The following SLC26A4 variants were observed in gnomAD, a reference collection of about 807,000 sequenced individuals.
SLC26A4 encodes solute carrier family 26 member 4, also known as pendrin.
Under a neutral mutation model 90.4 loss-of-function variants are expected in SLC26A4, and 93 were observed. The ratio of observed to expected loss-of-function variants is 1.03; its 90% CI spans 0.87 to 1.22. The LOEUF (loss-of-function observed/expected upper bound fraction) is 1.22. Ranked by LOEUF, SLC26A4 falls within the 50% of genes most tolerant of loss-of-function variation. The pLI is 0.00. For synonymous variants in SLC26A4, 393 were observed against 354.6 expected, an observed-to-expected ratio of 1.11 and a Z score of -1.22; for missense variants, 1,127 against 946.2, an observed-to-expected ratio of 1.19 and a Z score of -2.51.
intron 6 of SLC26A4, among the ~76,000 whole-genome samples, chr7:107,677,548 A>G (rs1791059376): frequency 6.6e-6 from 1 of 152,006 alleles, no homozygotes; most frequent in African/African-American, 2.4e-5. Context: ...ATTCAGCATT[A>G]TATGGGTCAT....
At chr7:107,701,677 G>T (rs1791889208) in intron 16 of SLC26A4, 150 bp from the exon 17 acceptor site, 1 of 658,234 alleles carries the variant, frequency 1.5e-6, no homozygotes, top group Admixed American at 2.3e-5. Context: ...ATCAAAGTTT[G>T]GGCTGAGGTG....
chr7:107,675,823 C>T (rs898934572), intron 6 of SLC26A4, among the ~76,000 whole-genome samples: 7 of 151,810 alleles, frequency 4.6e-5, no homozygotes, highest in South Asian at 2.1e-4. Context: ...CCACCCACAT[C>T]GGCCTCCCAA....
Position 107,672,269 on chromosome 7 carries a change from C to CA in SLC26A4, c.415+23dup, listed in dbSNP as rs1211065752. On this transcript the variant is annotated intron_variant, in intron 4 of 20. Coordinates refer to ENST00000644269, the MANE Select transcript of SLC26A4 (RefSeq NM_000441.2). ...AGTTGGTAATTATAAGTATATTTTA[C>CA]AATTATATTTGCTCATGTTTAAAGT... The CA allele has an allele frequency of 2.8e-6, 4 of 1,445,202 alleles. No individual in the cohort carries two copies. In the Admixed American group the frequency reaches 6.7e-5, roughly 24 times the overall value. 89.5% of individuals were successfully genotyped at this position (1,445,202 alleles called of 1,614,324 possible).
chr7:107,709,737 G>T (rs1479844991), intron 18 of SLC26A4, among the ~76,000 whole-genome samples: 1 of 152,184 alleles, frequency 6.6e-6, no homozygotes, highest in Non-Finnish European at 1.5e-5. Flanking sequence ...TACTGGAAAA[G>T]AAACTGTCAT....
intron 4 of SLC26A4, among the ~76,000 whole-genome samples, chr7:107,673,721 G>C (rs939075442): frequency 2.0e-5 from 3 of 151,968 alleles, no homozygotes; most frequent in Non-Finnish European, 4.4e-5. Context: ...AGATATCTGC[G>C]TTTTTAGCTT....
rs111033212 is a variant in SLC26A4 at position 107,689,054 on chromosome 7, T to A, written c.1003T>A (p.Phe335Ile). 1.9e-6 allele frequency: 3 copies of A among 1,613,746 alleles called. No individual in the cohort carries two copies. The highest frequency in any genetic ancestry group is 2.5e-6 in the Non-Finnish European group (3 of 1,179,746). Residue 335 changes from phenylalanine (F) to isoleucine (I), a missense_variant and splice_region_variant, in exon 9 of 21, where the codon TTT becomes ATT. Physicochemically the swap from Phe to Ile is conservative, Grantham distance 21. Coordinates refer to ENST00000644269, the MANE Select transcript of SLC26A4 (RefSeq NM_000441.2). ...AGIVKSIPRG[F>I]LPPELPPVSL... ...ATTTTTCACTTAAAAACTCACTAGG[T>A]TTTTGCCTCCTGAACTTCCACCTGT...
chr7:107,698,860 G>T lies in SLC26A4; in HGVS notation c.1614+749G>T, dbSNP rs754416483. ...TATGACACAGGAAATGAAAAACAAA[G>T]AAATTAAACATCCCATTGATGGACT... On this transcript the variant is annotated intron_variant, in intron 14 of 20. Transcript: ENST00000644269. Among the ~76,000 whole-genome samples, 136 of 152,030 alleles carry T rather than the reference G, an allele frequency of 8.9e-4. 1 individual carries two copies. Among genetic ancestry groups the T allele is most frequent in the Non-Finnish European group, 1.8e-4 (12 of 67,988 alleles).
rs537185856 is a variant in SLC26A4 at position 107,680,264 on chromosome 7, T to A, written c.766-2938T>A. ...ATAATATAATCTTATTATATAATCT[T>A]ATCTTATTATATAATATAATCTTAT... is the stretch of plus-strand genomic sequence containing the variant. On this transcript the variant is annotated intron_variant, in intron 6 of 20. Coordinates refer to ENST00000644269, the MANE Select transcript of SLC26A4 (RefSeq NM_000441.2). Among the ~76,000 whole-genome samples, 837 of 119,166 alleles carry A rather than the reference T, an allele frequency of 7.0e-3. 64 individuals carry two copies. The highest frequency in any genetic ancestry group is 0.067 in the Admixed American group (734 of 10,948). The allele number at this position is 119,166 out of a possible 152,430, so 78.2% of individuals were successfully genotyped here. A position where few individuals can be genotyped will look rare whatever the true frequency, so the allele number is the denominator to read the frequency against.
intron 15 of SLC26A4, 55 bp downstream of exon 15, chr7:107,700,230 A>G: frequency 1.1e-6 from 1 of 879,360 alleles, no homozygotes; most frequent in Non-Finnish European, 1.9e-6. Flanking sequence ...GACTTCATTC[A>G]TTCTACAAGT....
rs1183363837 is a variant in SLC26A4 at position 107,716,203 on chromosome 7, G to A, written c.*757G>A. 6.6e-6 allele frequency: 1 copy of A among 152,070 alleles called. No homozygotes were observed. Among genetic ancestry groups the A allele is most frequent in the African/African-American group, 2.4e-5 (1 of 41,400 alleles). 9.4% of individuals were successfully genotyped at this position (152,070 alleles called of 1,614,324 possible). On this transcript the variant is annotated 3_prime_UTR_variant, in exon 21 of 21. Transcript: ENST00000644269. ...AAAAAAATATATGACAGATTATTTT[G>A]TTTAAAAATGCAGTTTTAATTATCT...
intron 18 of SLC26A4, among the ~76,000 whole-genome samples, 155 bp from the exon 19 acceptor site, chr7:107,709,899 G>A (rs1465028613): frequency 1.3e-5 from 2 of 152,154 alleles, no homozygotes; most frequent in African/African-American, 4.8e-5. Context: ...GGGAGGGTGA[G>A]GTGGGGGGAT....
At chr7:107,693,373 A>G in intron 10 of SLC26A4, 1 of 985,356 alleles carries the variant, frequency 1.0e-6, no homozygotes, top group Non-Finnish European at 1.2e-6. Context: ...AATATAAATG[A>G]TCAATTTGCC....
intron 4 of SLC26A4, among the ~76,000 whole-genome samples, chr7:107,673,261 T>C (rs1047635848): frequency 1.3e-5 from 2 of 152,004 alleles, no homozygotes; most frequent in South Asian, 4.2e-4. Context: ...AAAATAACAG[T>C]AGTGAACGGA....
chr7:107,713,036 G>C (rs957156650), intron 20 of SLC26A4, among the ~76,000 whole-genome samples: 1 of 152,094 alleles, frequency 6.6e-6, no homozygotes, highest in Non-Finnish European at 1.5e-5. Context: ...ACTGATAAAG[G>C]CTTTAAAAAC....
chr7:107,701,544 T>C (rs989028630), intron 16 of SLC26A4, among the ~76,000 whole-genome samples: 1 of 152,238 alleles, frequency 6.6e-6, no homozygotes. Flanking sequence ...CCATAAACTT[T>C]TGGAGCTGTT....
At chr7:107,672,603 A>G (rs1790904071) in intron 4 of SLC26A4, among the ~76,000 whole-genome samples, 1 of 152,108 alleles carries the variant, frequency 6.6e-6, no homozygotes, top group African/African-American at 2.4e-5. Context: ...AGTCATAATG[A>G]CAGGGAAAAA....
At chr7:107,669,166 C>T (rs527678310) in intron 3 of SLC26A4, among the ~76,000 whole-genome samples, 3 of 152,202 alleles carry the variant, frequency 2.0e-5, no homozygotes, top group Admixed American at 6.5e-5. Context: ...CCATGTTGGC[C>T]GGGCTGGTCT....
At chr7:107,704,497 G>C (rs1486132567) in intron 18 of SLC26A4, 112 bp downstream of exon 18, 1 of 615,366 alleles carries the variant, frequency 1.6e-6, no homozygotes, top group East Asian at 2.8e-5. Context: ...TTCTTTTAAA[G>C]ATCTCAATTG....
intron 3 of SLC26A4, among the ~76,000 whole-genome samples, chr7:107,663,685 T>A (rs535870232): frequency 6.6e-5 from 10 of 152,268 alleles, no homozygotes; most frequent in South Asian, 2.1e-4. Context: ...TCAATTTTTT[T>A]AAATTTTATT....
Sources: gnomAD v4.1 joint callset for allele counts (sites outside exome capture counted in the v4.1 genomes callset) on GRCh38, gnomAD v4.1.1 for gene constraint, MANE v1.5 for transcripts, NCBI Gene and HGNC (gene_info 2026-07-23, HGNC 2026-07-21) for gene names.